The following MFAP3L variants were observed in gnomAD, a reference collection of about 807,000 sequenced individuals.
MFAP3L encodes the protein microfibrillar-associated protein 3-like.
In MFAP3L, 5 loss-of-function variants were observed where a neutral mutation model predicts 20.0. The observed-to-expected ratio is 0.25, with a 90% CI of 0.13 to 0.53. MFAP3L has a LOEUF of 0.53. Among genes scored for constraint, MFAP3L ranks in the 20% least tolerant of loss-of-function variants. MFAP3L has a pLI of 0.96. For synonymous variants in MFAP3L, 219 were observed against 213.0 expected (o/e 1.03, Z -0.25); for missense variants, 409 against 527.5 (o/e 0.78, Z 2.20).
rs1343822398 is a variant in MFAP3L, at chr4:169,990,488, T to A, written c.*890A>T. The A allele has an allele frequency of 1.3e-5, 2 of 152,638 alleles. No individual in the cohort carries two copies. The highest frequency in any genetic ancestry group is 2.4e-5 in the African/African-American group (1 of 41,446). 9.5% of individuals were successfully genotyped at this position (152,638 alleles called of 1,614,324 possible). A position where few individuals can be genotyped will look rare whatever the true frequency, so the allele number is the denominator to read the frequency against. ...TTTCCAGGTAAAGAATCAGTCTTTA[T>A]TTGGAGGATGATGTAACTTAAACAG... On this transcript the variant is annotated 3_prime_UTR_variant, in exon 3 of 3. Coordinates refer to ENST00000361618, the MANE Select transcript of MFAP3L (RefSeq NM_021647.8).
chr4:169,987,544 C>G lies in MFAP3L; in HGVS notation c.*3834G>C, dbSNP rs1276386264. The G allele has an allele frequency of 6.6e-6, 1 of 152,138 alleles. No homozygotes were observed. The highest frequency in any genetic ancestry group is 2.4e-5 in the African/African-American group (1 of 41,436). 9.4% of individuals were successfully genotyped at this position (152,138 alleles called of 1,614,324 possible). A position where few individuals can be genotyped will look rare whatever the true frequency, so the allele number is the denominator to read the frequency against. On this transcript the variant is annotated 3_prime_UTR_variant, in exon 3 of 3. Coordinates refer to ENST00000361618, the MANE Select transcript of MFAP3L (RefSeq NM_021647.8). ...TGACTGCCACTGAAGAGTTTTAGCA[C>G]TGATCAACACTGTATTTCCTAGGGC...
intron 1 of MFAP3L, among the ~76,000 whole-genome samples, chr4:170,022,440 G>A (rs1218721300): frequency 7.2e-5 from 11 of 152,136 alleles, no homozygotes; most frequent in Admixed American, 7.2e-4. Context: ...ATGACACTGA[G>A]CTCATCACAG....
chr4:170,018,152 C>G (rs1739813356), intron 1 of MFAP3L, among the ~76,000 whole-genome samples: 1 of 152,160 alleles, frequency 6.6e-6, no homozygotes, highest in African/African-American at 2.4e-5. Flanking sequence ...GGAGGCCAAG[C>G]TGGGAAGGTA....
Position 170,013,750 on chromosome 4 carries a change from T to C in MFAP3L, c.-133-7740A>G, listed in dbSNP as rs142624856. Among the ~76,000 whole-genome samples the C allele has an allele frequency of 1.5e-4, 23 of 152,376 alleles. No individual in the cohort carries two copies. In the East Asian group the frequency reaches 1.9e-3, roughly 13 times the overall value. On this transcript the variant is annotated intron_variant, in intron 1 of 2. Coordinates refer to ENST00000361618, the MANE Select transcript of MFAP3L (RefSeq NM_021647.8). ...CAGGTATATCATTTAGAAGAGTTTA[T>C]TGATGTTTGAGCACATAATGTCAAA...
intron 2 of MFAP3L, chr4:170,005,360 ACTT>A (rs1738959596): frequency 3.5e-6 from 2 of 578,230 alleles, no homozygotes; most frequent in Admixed American, 6.5e-5. Flanking sequence ...CTTTAAAAAG[ACTT>A]CTGTGTTTGT....
intron 2 of MFAP3L, chr4:170,003,834 A>G (rs1738854287): frequency 8.1e-6 from 8 of 985,454 alleles, no homozygotes; most frequent in Non-Finnish European, 9.6e-6. Flanking sequence ...CCCTCCATTC[A>G]CAAGTGTGAC....
chr4:170,020,833 A>G (rs1437469658), intron 1 of MFAP3L, among the ~76,000 whole-genome samples: 4 of 151,950 alleles, frequency 2.6e-5, no homozygotes, highest in Admixed American at 2.6e-4. Flanking sequence ...AGGTAGCCCC[A>G]GACACTCCTT....
At chr4:170,026,455 C>T (rs1730431247), upstream of MFAP3L, 1 of 228,300 alleles carries the variant, frequency 4.4e-6, no homozygotes, top group East Asian at 1.8e-4. Context: ...CGAGCATGCC[C>T]AGTGCGGCTC....
At chr4:170,016,230 T>A (rs1028535840) in intron 1 of MFAP3L, among the ~76,000 whole-genome samples, 1 of 152,176 alleles carries the variant, frequency 6.6e-6, no homozygotes, top group Non-Finnish European at 1.5e-5. Flanking sequence ...CGTCATTCAG[T>A]GTAAAAGCCA....
At chr4:170,020,517 T>C (rs1327867973) in intron 1 of MFAP3L, among the ~76,000 whole-genome samples, 3 of 152,152 alleles carry the variant, frequency 2.0e-5, no homozygotes, top group South Asian at 4.1e-4. Context: ...CATGTCTTCG[T>C]TGTGTCAACA....
intron 2 of MFAP3L, among the ~76,000 whole-genome samples, chr4:169,995,412 A>G (rs76547927): frequency 0.027 from 4,127 of 152,164 alleles, 203 homozygotes; most frequent in African/African-American, 0.095. Context: ...CTGCCCTTCC[A>G]TTAGTGAAAA....
chr4:170,005,515 G>C lies in MFAP3L; in HGVS notation c.298+65C>G, dbSNP rs530818478. On this transcript the variant is annotated intron_variant, in intron 2 of 2. Transcript: ENST00000361618. ...TTTGCATGAGAAGAACTAACATCAC[G>C]GGTGCTGGCTCCAAAGCTCCTGTTT... The C allele has an allele frequency of 7.3e-6, 11 of 1,507,842 alleles. No individual in the cohort carries two copies. The African/African-American group carries it at 1.4e-4, about 19-fold the overall frequency. The allele number at this position is 1,507,842 out of a possible 1,614,324, so 93.4% of individuals were successfully genotyped here. A position where few individuals can be genotyped will look rare whatever the true frequency, so the allele number is the denominator to read the frequency against.
In MFAP3L at chr4:169,991,773, C is replaced by T. The variant is rs748642926; in HGVS notation, c.835G>A (p.Glu279Lys). The T allele has an allele frequency of 6.2e-7, 1 of 1,614,050 alleles. No individual in the cohort carries two copies. ...TAGACCTCATCCCTGTCTGCGGCCT[C>T]CTGGCCCTCTGGAGTATGCCTCACA... ...NFVRHTPEGQ[E>K]AADRDEVYTI... Residue 279 changes from glutamate to lysine, a missense_variant, in exon 3 of 3, where the codon GAG (glutamate) becomes AAG (lysine). Transcript: ENST00000361618. The surrounding 1 kb of genome is among the most constrained non-coding windows in gnomAD (Gnocchi z 4.9).
At position 169,990,377 on chromosome 4, in the gene MFAP3L, A is replaced by G. The variant is rs995642432; in HGVS notation, c.*1001T>C. The G allele has an allele frequency of 5.2e-5, 8 of 152,470 alleles. No homozygotes were observed. The highest frequency in any genetic ancestry group is 2.0e-4 in the Admixed American group (3 of 15,286). The allele number at this position is 152,470 out of a possible 1,614,324, so 9.4% of individuals were successfully genotyped here. A position where few individuals can be genotyped will look rare whatever the true frequency, so the allele number is the denominator to read the frequency against. On this transcript the variant is annotated 3_prime_UTR_variant, in exon 3 of 3. Coordinates refer to ENST00000361618, the MANE Select transcript of MFAP3L (RefSeq NM_021647.8). Reference sequence around the variant, plus strand: ...ACCTGGTTATATGTCATCCAACAGCATATGGTCCCTGCAAGCCTGTTTGGA... The same window carrying G: ...ACCTGGTTATATGTCATCCAACAGCGTATGGTCCCTGCAAGCCTGTTTGGA...
At chr4:170,010,996 G>C (rs970300186) in intron 1 of MFAP3L, among the ~76,000 whole-genome samples, 20 of 152,128 alleles carry the variant, frequency 1.3e-4, no homozygotes, top group African/African-American at 4.6e-4. Flanking sequence ...TTGAATCATG[G>C]GGGTGGTTTC....
chr4:169,999,343 C>T (rs1011510766), intron 2 of MFAP3L, among the ~76,000 whole-genome samples: 1 of 152,216 alleles, frequency 6.6e-6, no homozygotes, highest in Non-Finnish European at 1.5e-5. Flanking sequence ...TGTTCAGAAT[C>T]TGTAGTTCTG....
At chr4:170,025,621 A>G (rs963558571) in intron 1 of MFAP3L, among the ~76,000 whole-genome samples, 15 of 152,208 alleles carry the variant, frequency 9.9e-5, no homozygotes, top group African/African-American at 3.1e-4. Flanking sequence ...TAATCCGATG[A>G]AGCACGTTTC....
At position 169,991,949 on chromosome 4, in the gene MFAP3L, G is replaced by A; in HGVS notation, c.659C>T (p.Ala220Val). 6.2e-7 allele frequency: 1 copy of A among 1,614,216 alleles called. No individual in the cohort carries two copies. Among genetic ancestry groups the A allele is most frequent in the South Asian group, 1.1e-5 (1 of 91,084 alleles). ...IITSAKTLEL[A>V]KVTQFKTMEF... ...CATGGTTTTGAACTGGGTGACTTTG[G>A]CAAGCTCTAGAGTTTTGGCGGAGGT... Residue 220 changes from alanine to valine, a missense_variant, in exon 3 of 3, where the codon GCC (alanine) becomes GTC (valine). This residue lies in a region of MFAP3L where 127 missense variants were observed against 218.1 expected (regional missense o/e 0.58). Transcript: ENST00000361618. The surrounding 1 kb of genome is among the most constrained non-coding windows in gnomAD (Gnocchi z 4.9).
intron 1 of MFAP3L, among the ~76,000 whole-genome samples, chr4:170,022,883 A>G (rs1263458719): frequency 6.6e-6 from 1 of 152,168 alleles, no homozygotes; most frequent in Non-Finnish European, 1.5e-5. Context: ...TTTGCCCACT[A>G]AGACCCACGT....
Sources: gnomAD v4.1 joint callset for allele counts (sites outside exome capture counted in the v4.1 genomes callset) on GRCh38, gnomAD v4.1.1 for gene constraint, gnomAD v4.1.1 regional missense constraint, Gnocchi (gnomAD v3.1) non-coding constraint, MANE v1.5 for transcripts, NCBI Gene and HGNC (gene_info 2026-07-23, HGNC 2026-07-21) for gene names.